The following PIEZO2 variants were observed in gnomAD, a reference collection of about 807,000 sequenced individuals.
PIEZO2 encodes piezo type mechanosensitive ion channel component 2, also known as piezo-type mechanosensitive ion channel component 2.
A neutral mutation model predicts 337.3 loss-of-function variants in PIEZO2; 172 were observed. The observed-to-expected ratio is 0.51, with a 90% CI of 0.45 to 0.58. The LOEUF (loss-of-function observed/expected upper bound fraction) is 0.58, where lower values mean the gene tolerates loss of function less well. Ranked by LOEUF, PIEZO2 falls within the 20% of genes least tolerant of loss-of-function variation. PIEZO2 has a pLI of 0.00. For synonymous variants in PIEZO2, 1,251 were observed against 1,228.5 expected (o/e 1.02, Z -0.38); for missense variants, 3,028 against 3,391.3 (o/e 0.89, Z 2.66).
rs1435175511 is a variant in PIEZO2 at position 10,904,591 on chromosome 18, G to C, written c.329+6595C>G. Among the ~76,000 whole-genome samples the C allele has an allele frequency of 2.0e-5, 3 of 152,188 alleles. No individual in the cohort carries two copies. The South Asian group carries it at 6.2e-4, about 32-fold the overall frequency. On this transcript the variant is annotated intron_variant, in intron 4 of 55. Transcript: ENST00000674853. ...AGGCAGAGGTGGCATACTTCACACT[G>C]AGCAAATGCTTCAAGAGCCACTGCC... is the stretch of plus-strand genomic sequence containing the variant.
At position 10,899,027 on chromosome 18, in the gene PIEZO2, G is replaced by C. The variant is rs2042977979; in HGVS notation, c.329+12159C>G. ...AGGCAGAGAATACAACATGTATTTA[G>C]GCAGCTTCACATCCAGGCAACGGGA... On this transcript the variant is annotated intron_variant, in intron 4 of 55. Transcript: ENST00000674853. This position sits in a 1 kb window ranked among gnomAD's most constrained non-coding sequence, Gnocchi z 4.6. Among the ~76,000 whole-genome samples, 1 of 152,172 alleles carries C rather than the reference G, an allele frequency of 6.6e-6. No homozygotes were observed. Among genetic ancestry groups the C allele is most frequent in the Non-Finnish European group, 1.5e-5 (1 of 68,030 alleles).
chr18:11,082,379 G>A (rs967499018), intron 1 of PIEZO2, among the ~76,000 whole-genome samples: 10 of 150,970 alleles, frequency 6.6e-5, no homozygotes, highest in African/African-American at 9.7e-5. Flanking sequence ...GTGCAGTGGC[G>A]CGATCTCAGT....
intron 7 of PIEZO2, among the ~76,000 whole-genome samples, chr18:10,842,148 C>CAAA (rs34809564): frequency 1.4e-5 from 1 of 70,334 alleles, no homozygotes; most frequent in Non-Finnish European, 2.9e-5. Context: ...GACTCCGTCT[C>CAAA]AAAAAAAAAA....
Position 10,859,083 on chromosome 18 carries a change from G to A in PIEZO2, c.493-1872C>T, listed in dbSNP as rs2041804933. ...CTTCAGGGAGGTCGAATAGGGTGATGTGGTAGTGATAAACTGGGTGGCTGT... is the reference window on the plus strand; with the variant it reads ...CTTCAGGGAGGTCGAATAGGGTGATATGGTAGTGATAAACTGGGTGGCTGT... On this transcript the variant is annotated intron_variant, in intron 5 of 55. Coordinates refer to ENST00000674853, the MANE Select transcript of PIEZO2 (RefSeq NM_001378183.1). The surrounding 1 kb of genome is among the most constrained non-coding windows in gnomAD (Gnocchi z 4.9). Among the ~76,000 whole-genome samples the A allele has an allele frequency of 6.6e-6, 1 of 152,186 alleles. No individual in the cohort carries two copies. The highest frequency in any genetic ancestry group is 2.4e-5 in the African/African-American group (1 of 41,432).
At chr18:10,801,620 T>C (rs1189232393) in intron 9 of PIEZO2, among the ~76,000 whole-genome samples, 192 bp from the exon 10 acceptor site, 1 of 150,954 alleles carries the variant, frequency 6.6e-6, no homozygotes, top group Non-Finnish European at 1.5e-5. Context: ...GACAACTATT[T>C]CACAGCTCTT....
At chr18:10,849,169 C>T (rs1254907657) in intron 7 of PIEZO2, among the ~76,000 whole-genome samples, 9 of 152,252 alleles carry the variant, frequency 5.9e-5, no homozygotes, top group Non-Finnish European at 1.2e-4. Flanking sequence ...TGTGGCACCA[C>T]GCCCAGCTCA....
Position 11,003,390 on chromosome 18 carries a change from C to T in PIEZO2, c.161-23730G>A, listed in dbSNP as rs72868871. On this transcript the variant is annotated intron_variant, in intron 2 of 55. Transcript: ENST00000674853. This position sits in a 1 kb window ranked among gnomAD's most constrained non-coding sequence, Gnocchi z 4.6. Reference sequence around the variant, plus strand: ...ATAGCAAAAACAATTAAACCATAGTCGAGTTGATCTAAAGAAGAGTTAAAT... The same window carrying T: ...ATAGCAAAAACAATTAAACCATAGTTGAGTTGATCTAAAGAAGAGTTAAAT... Among the ~76,000 whole-genome samples the T allele has an allele frequency of 6.0e-3, 909 of 152,198 alleles. 3 individuals carry two copies. The highest frequency in any genetic ancestry group is 8.9e-3 in the Non-Finnish European group (605 of 68,010).
intron 39 of PIEZO2, among the ~76,000 whole-genome samples, chr18:10,712,297 G>A (rs1434317439): frequency 2.6e-5 from 4 of 152,192 alleles, no homozygotes; most frequent in Non-Finnish European, 4.4e-5. Context: ...GATTAAGGGA[G>A]GACCTAGCTG....
rs1344773123 is a variant in PIEZO2 at position 10,767,944 on chromosome 18, G to A, written c.2946+2204C>T. Among the ~76,000 whole-genome samples, 1 of 152,222 alleles carries A rather than the reference G, an allele frequency of 6.6e-6. No individual in the cohort carries two copies. Among genetic ancestry groups the A allele is most frequent in the African/African-American group, 2.4e-5 (1 of 41,466 alleles). The stretch of plus-strand genomic sequence containing the variant: ...CAGCCCAGAGCGTGAGGCCATCATG[G>A]GATGGCACAGGCCAAGTCACAACAT... On this transcript the variant is annotated intron_variant, in intron 21 of 55. Coordinates refer to ENST00000674853, the MANE Select transcript of PIEZO2 (RefSeq NM_001378183.1). This position sits in a 1 kb window ranked among gnomAD's most constrained non-coding sequence, Gnocchi z 4.2.
rs1057197431 is a variant in PIEZO2, at chr18:10,942,833, A to T, written c.287-31605T>A. 2.0e-5 allele frequency among the ~76,000 whole-genome samples: 3 copies of T among 152,120 alleles called. No individual in the cohort carries two copies. The highest frequency in any genetic ancestry group is 1.3e-4 in the Admixed American group (2 of 15,272). On this transcript the variant is annotated intron_variant, in intron 3 of 55. Coordinates refer to ENST00000674853, the MANE Select transcript of PIEZO2 (RefSeq NM_001378183.1). The surrounding 1 kb of genome is among the most constrained non-coding windows in gnomAD (Gnocchi z 4.4). ...CCTGAAGGCCTAGGTAAAACAAGTG[A>T]TTTAGTAGGCCAGGCTCAGGGTCCC...
chr18:10,807,551 T>C (rs1160082892), intron 7 of PIEZO2, among the ~76,000 whole-genome samples: 2 of 152,212 alleles, frequency 1.3e-5, no homozygotes, highest in Non-Finnish European at 2.9e-5. Context: ...TTACATCAGT[T>C]CAAAAATCCA....
intron 11 of PIEZO2, among the ~76,000 whole-genome samples, chr18:10,798,257 C>CT (rs1187351041): frequency 6.6e-6 from 1 of 152,238 alleles, no homozygotes; most frequent in African/African-American, 2.4e-5. Context: ...TTCTAAGCCA[C>CT]TAAGTAGACT....
rs1403764709 is a variant in PIEZO2 at position 11,143,631 on chromosome 18, ACACACACACTCTCTCTCT to A, written c.64+4876_64+4893del. 9.4e-5 allele frequency among the ~76,000 whole-genome samples: 6 copies of A among 63,908 alleles called. No homozygotes were observed. Among genetic ancestry groups the A allele is most frequent in the African/African-American group, 5.2e-4 (6 of 11,504 alleles). The allele number at this position is 63,908 out of a possible 152,430, so 41.9% of individuals were successfully genotyped here. ...CACACACACACACACACACACACAC[ACACACACACTCTCTCTCT>A]CTCTCTCTCTCTCTCTCTCTCTCAC... On this transcript the variant is annotated intron_variant, in intron 1 of 55. Coordinates refer to ENST00000674853, the MANE Select transcript of PIEZO2 (RefSeq NM_001378183.1). This position sits in a 1 kb window ranked among gnomAD's most constrained non-coding sequence, Gnocchi z 4.9.
At chr18:10,760,702 C>T (rs934049502) in intron 24 of PIEZO2, among the ~76,000 whole-genome samples, 3 of 152,216 alleles carry the variant, frequency 2.0e-5, no homozygotes, top group Admixed American at 1.3e-4. Context: ...GGCCAAGGCA[C>T]TGCTGTGGAG....
At chr18:10,797,163 TC>T (rs1408365720) in intron 12 of PIEZO2, among the ~76,000 whole-genome samples, 2 of 150,880 alleles carry the variant, frequency 1.3e-5, no homozygotes, top group Non-Finnish European at 3.0e-5. Context: ...ATTATACATA[TC>T]ATCATATTAT....
rs536836333 is a variant in PIEZO2, at chr18:10,952,123, A to G, written c.286+27412T>C. 1.7e-4 allele frequency among the ~76,000 whole-genome samples: 26 copies of G among 152,264 alleles called. No individual in the cohort carries two copies. The South Asian group carries it at 5.2e-3, about 30-fold the overall frequency. On this transcript the variant is annotated intron_variant, in intron 3 of 55. Coordinates refer to ENST00000674853, the MANE Select transcript of PIEZO2 (RefSeq NM_001378183.1). The surrounding 1 kb of genome is among the most constrained non-coding windows in gnomAD (Gnocchi z 4.1). ...AGCAAAACCAGAATCTACTGCTCTG[A>G]TCTCTCTACTCTTCAGTAGAGCCCC... is the stretch of plus-strand genomic sequence containing the variant.
At chr18:11,067,104 A>T (rs2038179370) in intron 1 of PIEZO2, among the ~76,000 whole-genome samples, 1 of 152,210 alleles carries the variant, frequency 6.6e-6, no homozygotes, top group Admixed American at 6.5e-5. Context: ...AGACAGAAAG[A>T]AATGAAAAAA....
chr18:10,937,044 A>C (rs916900967), intron 3 of PIEZO2, among the ~76,000 whole-genome samples: 27 of 152,224 alleles, frequency 1.8e-4, no homozygotes, highest in Non-Finnish European at 1.5e-4. Context: ...GACGACTCCT[A>C]CAACAGACTA....
Position 11,126,791 on chromosome 18 carries a change from A to AT in PIEZO2, c.64+21733dup, listed in dbSNP as rs10713073. Among the ~76,000 whole-genome samples, 9 of 151,498 alleles carry AT rather than the reference A, an allele frequency of 5.9e-5. No homozygotes were observed. Among genetic ancestry groups the AT allele is most frequent in the East Asian group, 1.9e-4 (1 of 5,156 alleles). ...TACACAGTACCTTAAGTACATTACT[A>AT]TTTTTTTTTTAAAGCCCCAGTGACC... On this transcript the variant is annotated intron_variant, in intron 1 of 55. Coordinates refer to ENST00000674853, the MANE Select transcript of PIEZO2 (RefSeq NM_001378183.1). This position sits in a 1 kb window ranked among gnomAD's most constrained non-coding sequence, Gnocchi z 4.6.
Sources: allele counts gnomAD v4.1 joint callset (sites outside exome capture counted in the v4.1 genomes callset), GRCh38; gene constraint gnomAD v4.1.1; non-coding constraint Gnocchi (gnomAD v3.1); transcripts MANE v1.5; gene names NCBI Gene and HGNC (gene_info 2026-07-23, HGNC 2026-07-21).